CEP112: variants seen among roughly 807,000 people sequenced by gnomAD.
CEP112 encodes centrosomal protein 112, also known as centrosomal protein of 112 kDa.
In CEP112, 127 loss-of-function variants were observed where a neutral mutation model predicts 153.0. The observed-to-expected ratio is 0.83, with a 90% CI of 0.72 to 0.96. CEP112 has a LOEUF of 0.96. CEP112 is among the 40% of genes least tolerant of loss of function. CEP112 has a pLI of 0.00. For missense variants in CEP112, 1,089 were observed against 1,101.2 expected (o/e 0.99, Z 0.16); for synonymous variants, 358 against 374.4 (o/e 0.96, Z 0.51).
intron 20 of CEP112, among the ~76,000 whole-genome samples, chr17:65,853,094 T>G (rs1315357933): frequency 6.6e-6 from 1 of 152,236 alleles, no homozygotes; most frequent in African/African-American, 2.4e-5. Context: ...CATAACAAAG[T>G]AGCACAAACT....
intron 18 of CEP112, among the ~76,000 whole-genome samples, chr17:65,959,040 G>A (rs2062101799): frequency 6.6e-6 from 1 of 152,118 alleles, no homozygotes; most frequent in Non-Finnish European, 1.5e-5. Flanking sequence ...ACCAGCTGCA[G>A]AGAGGAGCAA....
At chr17:65,769,075 T>C (rs1423582337) in intron 21 of CEP112, among the ~76,000 whole-genome samples, 1 of 152,038 alleles carries the variant, frequency 6.6e-6, no homozygotes, top group Admixed American at 6.6e-5. Context: ...TCTAATAAAT[T>C]AACTCCATAA....
intron 21 of CEP112, among the ~76,000 whole-genome samples, chr17:65,841,910 A>T (rs2057534123): frequency 6.6e-6 from 1 of 150,560 alleles, no homozygotes; most frequent in South Asian, 2.1e-4. Flanking sequence ...ACACACATAC[A>T]CACACACACA....
chr17:66,166,047 G>A (rs1274401915), intron 4 of CEP112, among the ~76,000 whole-genome samples: 1 of 152,048 alleles, frequency 6.6e-6, no homozygotes, highest in Non-Finnish European at 1.5e-5. Context: ...ATGAACACAT[G>A]TATTATTTAG....
chr17:65,912,625 G>A (rs188158738), intron 19 of CEP112, among the ~76,000 whole-genome samples: 6 of 152,190 alleles, frequency 3.9e-5, no homozygotes, highest in Admixed American at 3.3e-4. Flanking sequence ...AAGTAGCATG[G>A]AAGTAAGTGG....
intron 21 of CEP112, among the ~76,000 whole-genome samples, chr17:65,799,493 G>A (rs1010695192): frequency 1.3e-5 from 2 of 152,202 alleles, no homozygotes; most frequent in African/African-American, 4.8e-5. Flanking sequence ...GTGGGATGGG[G>A]AAGAGGTCTG....
chr17:66,048,841 T>C (rs901780212), intron 12 of CEP112, among the ~76,000 whole-genome samples: 1 of 152,180 alleles, frequency 6.6e-6, no homozygotes, highest in Non-Finnish European at 1.5e-5. Flanking sequence ...ACTCCTGGCC[T>C]CAGGTGATTC....
intron 21 of CEP112, among the ~76,000 whole-genome samples, chr17:65,812,852 T>G (rs1340691019): frequency 6.6e-6 from 1 of 152,166 alleles, no homozygotes; most frequent in South Asian, 2.1e-4. Flanking sequence ...GTAACACGTT[T>G]AAAATATATA....
chr17:65,709,344 A>C (rs2049063260), intron 23 of CEP112, among the ~76,000 whole-genome samples: 1 of 152,208 alleles, frequency 6.6e-6, no homozygotes, highest in Non-Finnish European at 1.5e-5. Context: ...ATAATTTATA[A>C]AGGAAAGAGG....
At chr17:65,878,473 T>G (rs984680533) in intron 20 of CEP112, among the ~76,000 whole-genome samples, 1 of 152,126 alleles carries the variant, frequency 6.6e-6, no homozygotes, top group African/African-American at 2.4e-5. Flanking sequence ...AAATGATATA[T>G]GTACAAAACA....
intron 8 of CEP112, among the ~76,000 whole-genome samples, chr17:66,079,947 G>A (rs574134187): frequency 2.6e-5 from 4 of 152,114 alleles, no homozygotes; most frequent in Admixed American, 2.6e-4. Context: ...GGGAAAACTG[G>A]CTAGCCATAG....
At chr17:65,960,063 C>T (rs1166845158) in intron 18 of CEP112, among the ~76,000 whole-genome samples, 1 of 152,176 alleles carries the variant, frequency 6.6e-6, no homozygotes, top group African/African-American at 2.4e-5. Context: ...CTTCCTTAGG[C>T]ACATTTCTCC....
At chr17:65,844,663 G>C (rs2057655442) in intron 21 of CEP112, among the ~76,000 whole-genome samples, 1 of 143,558 alleles carries the variant, frequency 7.0e-6, no homozygotes, top group Admixed American at 7.0e-5. Flanking sequence ...GGCTACAAAG[G>C]AAGACTCTAT....
chr17:65,970,107 G>C (rs866669661), intron 17 of CEP112, among the ~76,000 whole-genome samples: 1 of 152,166 alleles, frequency 6.6e-6, no homozygotes, highest in African/African-American at 2.4e-5. Flanking sequence ...TGTATGCATA[G>C]CACATGCATA....
At chr17:66,078,416 C>T (rs1232491248) in intron 8 of CEP112, among the ~76,000 whole-genome samples, 1 of 151,996 alleles carries the variant, frequency 6.6e-6, no homozygotes. Context: ...CGCCACCACG[C>T]CCGGCTAATT....
At chr17:65,871,366 C>T (rs912185990) in intron 20 of CEP112, among the ~76,000 whole-genome samples, 1 of 152,140 alleles carries the variant, frequency 6.6e-6, no homozygotes, top group African/African-American at 2.4e-5. Flanking sequence ...AGGCCGGGCA[C>T]TGTGCTGTGG....
intron 20 of CEP112, among the ~76,000 whole-genome samples, chr17:65,876,007 G>C (rs2058813680): frequency 6.6e-6 from 1 of 151,900 alleles, no homozygotes; most frequent in Admixed American, 6.6e-5. Flanking sequence ...TTTCTCCCTT[G>C]CATTTTCTGC....
intron 16 of CEP112, among the ~76,000 whole-genome samples, chr17:66,024,113 G>T (rs540768567): frequency 2.6e-4 from 40 of 152,080 alleles, no homozygotes; most frequent in African/African-American, 9.6e-4. Flanking sequence ...TGTTAAAACT[G>T]ACCGCACCCT....
chr17:65,798,991 C>T (rs1295225087), intron 21 of CEP112, among the ~76,000 whole-genome samples: 1 of 152,122 alleles, frequency 6.6e-6, no homozygotes, highest in East Asian at 1.9e-4. Flanking sequence ...GAGGCAGAAA[C>T]CAAATGTTTG....
Sources: gnomAD v4.1 joint callset for allele counts (sites outside exome capture counted in the v4.1 genomes callset) on GRCh38, gnomAD v4.1.1 for gene constraint, MANE v1.5 for transcripts, NCBI Gene and HGNC (gene_info 2026-07-23, HGNC 2026-07-21) for gene names.